Variants in ITPK1 observed in about 807,000 individuals in gnomAD.
The protein encoded by ITPK1 is inositol-tetrakisphosphate 1-kinase, also known as inositol 1,3,4-trisphosphate 5/6-kinase.
In ITPK1, 21 loss-of-function variants were observed where a neutral mutation model predicts 45.3. The observed-to-expected ratio is 0.46, with a 90% CI of 0.33 to 0.67. The LOEUF is 0.67. ITPK1 is among the 30% of genes least tolerant of loss of function. ITPK1 has a pLI of 0.02. For missense variants in ITPK1, 474 were observed against 573.5 expected (o/e 0.83, Z 1.77); for synonymous variants, 258 against 253.6 (o/e 1.02, Z -0.16).
chr14:93,107,091 G>A (rs2140033441), intron 2 of ITPK1, among the ~76,000 whole-genome samples: 1 of 152,216 alleles, frequency 6.6e-6, no homozygotes, highest in South Asian at 2.1e-4. Context: ...CCAAGTAGCT[G>A]GGATAACAAG....
At chr14:93,105,534 T>G (rs1277184747) in intron 2 of ITPK1, among the ~76,000 whole-genome samples, 1 of 149,700 alleles carries the variant, frequency 6.7e-6, no homozygotes, top group Non-Finnish European at 1.5e-5. Context: ...TTTTTTTTTT[T>G]TTTTTGGAGA....
At chr14:93,085,406 G>C (rs182443656) in intron 2 of ITPK1, among the ~76,000 whole-genome samples, 2 of 152,156 alleles carry the variant, frequency 1.3e-5, no homozygotes, top group Non-Finnish European at 2.9e-5. Flanking sequence ...CCCAAAGTCC[G>C]GGCGCCCCTC....
At chr14:93,051,108 C>T (rs1478002074) in intron 3 of ITPK1, among the ~76,000 whole-genome samples, 1 of 152,142 alleles carries the variant, frequency 6.6e-6, no homozygotes, top group Non-Finnish European at 1.5e-5. Flanking sequence ...ACGGTGATGG[C>T]CACACTCCAC....
intron 3 of ITPK1, among the ~76,000 whole-genome samples, chr14:93,052,023 G>C (rs1890035723): frequency 6.6e-6 from 1 of 152,210 alleles, no homozygotes; most frequent in Non-Finnish European, 1.5e-5. Context: ...CACCAGGGGA[G>C]CGCCTTCATC....
intron 3 of ITPK1, among the ~76,000 whole-genome samples, chr14:93,061,306 C>T (rs1467357305): frequency 2.0e-5 from 3 of 152,182 alleles, no homozygotes; most frequent in Non-Finnish European, 4.4e-5. Flanking sequence ...GGCAAGGAGG[C>T]TGAAGCACCC....
At chr14:93,106,741 A>T (rs1438139486) in intron 2 of ITPK1, among the ~76,000 whole-genome samples, 5 of 152,086 alleles carry the variant, frequency 3.3e-5, no homozygotes, top group Non-Finnish European at 7.4e-5. Context: ...GCCGGCAAGG[A>T]CCAGCACCCA....
At chr14:93,082,144 TG>T (rs201255862) in intron 2 of ITPK1, among the ~76,000 whole-genome samples, 1,702 of 148,088 alleles carry the variant, frequency 0.011, 19 homozygotes, top group South Asian at 0.02. Flanking sequence ...AGGGGTGGGG[TG>T]GGGGGCAGCC....
rs1160017597 is a variant in ITPK1 at position 92,951,958 on chromosome 14, C to G, written c.726G>C (p.Ser242=). The change falls in exon 9 of 11, where the codon TCG becomes TCC. Residue 242 remains serine, a synonymous_variant. Transcript: ENST00000267615. ...CAGAGGGACCCACCTCCGTCAGGAC[C>G]GATGACGACTCCGGCTTTGACACGT... is the stretch of plus-strand genomic sequence containing the variant. ...SHNVSKPESS[S]VLTELDKIEG... 6.3e-7 allele frequency: 1 copy of G among 1,578,458 alleles called. No homozygotes were observed. The highest frequency in any genetic ancestry group is 1.3e-5 in the African/African-American group (1 of 74,418).
At chr14:93,042,768 A>T (rs532283548) in intron 3 of ITPK1, among the ~76,000 whole-genome samples, 1 of 152,330 alleles carries the variant, frequency 6.6e-6, no homozygotes, top group East Asian at 1.9e-4. Flanking sequence ...CTGTAATCCC[A>T]GCACTTTGGG....
chr14:92,959,083 C>T (rs975151161), intron 7 of ITPK1, among the ~76,000 whole-genome samples: 7 of 152,178 alleles, frequency 4.6e-5, no homozygotes, highest in Non-Finnish European at 8.8e-5. Flanking sequence ...TCCTGGTCCC[C>T]GACTCCTCTG....
At chr14:92,967,192 G>A (rs1258928167) in intron 5 of ITPK1, among the ~76,000 whole-genome samples, 1 of 152,146 alleles carries the variant, frequency 6.6e-6, no homozygotes, top group African/African-American at 2.4e-5. Context: ...CATGAGAAGC[G>A]TCTAGTATCC....
chr14:93,109,485 G>A (rs1892658989), intron 2 of ITPK1, among the ~76,000 whole-genome samples: 1 of 152,184 alleles, frequency 6.6e-6, no homozygotes, highest in South Asian at 2.1e-4. Flanking sequence ...AAAAGATACA[G>A]AAAACAATAA....
In ITPK1 at chr14:92,941,677, C is replaced by T. The variant is rs771194909; in HGVS notation, c.1129G>A (p.Asp377Asn). 136 of 1,543,774 alleles carry T rather than the reference C, an allele frequency of 8.8e-5. 1 individual carries two copies. Among genetic ancestry groups the T allele is most frequent in the Admixed American group, 4.5e-4 (23 of 51,618 alleles). ...GQDAPWKAEADAGGTAKLPHQ... is the reference protein window; with the variant it reads ...GQDAPWKAEANAGGTAKLPHQ... The stretch of plus-strand genomic sequence containing the variant: ...GGCAGCTTGGCGGTGCCGCCCGCGT[C>T]GGCCTCAGCCTTCCAGGGCGCGTCC... Residue 377 changes from aspartate to asparagine, a missense_variant, in exon 11 of 11, where the codon GAC becomes AAC. By Grantham distance (23) the Asp-to-Asn change is conservative. This residue lies in a region of ITPK1 where 107 missense variants were observed against 92.9 expected (regional missense o/e 1.15). Transcript: ENST00000267615.
intron 4 of ITPK1, among the ~76,000 whole-genome samples, chr14:92,999,377 C>A (rs1887222770): frequency 6.6e-6 from 1 of 152,252 alleles, no homozygotes; most frequent in Non-Finnish European, 1.5e-5. Flanking sequence ...CCGGCCCTGC[C>A]CGTCCTAACA....
chr14:93,060,077 G>C (rs866756122), intron 3 of ITPK1, among the ~76,000 whole-genome samples: 4 of 151,982 alleles, frequency 2.6e-5, no homozygotes, highest in Non-Finnish European at 5.9e-5. Flanking sequence ...AGGGGGGTGG[G>C]GTATTTAGTC....
At chr14:92,998,440 C>G (rs374550935) in intron 4 of ITPK1, among the ~76,000 whole-genome samples, 26 of 152,286 alleles carry the variant, frequency 1.7e-4, no homozygotes, top group African/African-American at 6.0e-4. Context: ...CTCCAGGCAG[C>G]GACCTTCCAA....
intron 2 of ITPK1, among the ~76,000 whole-genome samples, chr14:93,090,019 C>T (rs1420489590): frequency 1.3e-5 from 2 of 152,214 alleles, no homozygotes; most frequent in East Asian, 3.9e-4. Flanking sequence ...GCGGTGCAGG[C>T]CACCAGGCGG....
At chr14:93,054,676 T>G (rs1435714982) in intron 3 of ITPK1, among the ~76,000 whole-genome samples, 2 of 152,122 alleles carry the variant, frequency 1.3e-5, no homozygotes, top group Non-Finnish European at 2.9e-5. Flanking sequence ...CCTGCATCAC[T>G]CCTGGCAAGG....
At chr14:93,025,617 C>T (rs1483718307) in intron 3 of ITPK1, among the ~76,000 whole-genome samples, 1 of 152,142 alleles carries the variant, frequency 6.6e-6, no homozygotes, top group Non-Finnish European at 1.5e-5. Flanking sequence ...TTTGCAAATG[C>T]CAATATTTTC....
Sources: allele counts gnomAD v4.1 joint callset (sites outside exome capture counted in the v4.1 genomes callset), GRCh38; gene constraint gnomAD v4.1.1; regional missense constraint gnomAD v4.1.1; transcripts MANE v1.5; gene names NCBI Gene and HGNC (gene_info 2026-07-23, HGNC 2026-07-21).